The following MOK variants were observed in gnomAD, a reference collection of about 807,000 sequenced individuals.
MOK encodes MOK protein kinase.
Under a neutral mutation model 54.2 loss-of-function variants are expected in MOK, and 59 were observed. That is an observed-to-expected ratio of 1.09 (90% CI 0.88 to 1.35). The LOEUF is 1.35. MOK is among the 40% of genes most tolerant of loss of function. The pLI is 0.00. For synonymous variants in MOK, 210 were observed against 202.7 expected, an observed-to-expected ratio of 1.04 and a Z score of -0.31; for missense variants, 517 against 526.2, an observed-to-expected ratio of 0.98 and a Z score of 0.17.
At chr14:102,265,707 T>C (rs1028279327) in intron 3 of MOK, 116 bp downstream of exon 3, 2 of 731,228 alleles carry the variant, frequency 2.7e-6, no homozygotes, top group Non-Finnish European at 4.5e-6. Context: ...GAAGTAAAAA[T>C]GGTTACTCTC....
downstream of MOK, chr14:102,226,235 C>T (rs753370935): frequency 1.4e-4 from 90 of 652,054 alleles, no homozygotes; most frequent in Admixed American, 9.2e-4. The surrounding 1 kb of genome is among the most constrained non-coding windows in gnomAD (Gnocchi z 4.8). Flanking sequence ...TGCTTCTGCC[C>T]GGTGTCTTCT....
intron 2 of MOK, among the ~76,000 whole-genome samples, chr14:102,279,301 T>C (rs2069178424): frequency 6.6e-6 from 1 of 151,988 alleles, no homozygotes; most frequent in African/African-American, 2.4e-5. Flanking sequence ...GTTGTTGTTG[T>C]TGTTGTTGTT....
downstream of MOK, among the ~76,000 whole-genome samples, chr14:102,224,018 A>G (rs975882701): frequency 1.3e-5 from 2 of 151,508 alleles, no homozygotes; most frequent in African/African-American, 4.9e-5. Flanking sequence ...GAACTAGCTA[A>G]TCACACTGTT....
chr14:102,304,798 G>GTC (rs1212000598), intron 1 of MOK, among the ~76,000 whole-genome samples, 164 bp downstream of exon 1: 2 of 152,056 alleles, frequency 1.3e-5, no homozygotes, highest in Non-Finnish European at 2.9e-5. Context: ...CACAGCCGAG[G>GTC]GGGATTCGGG....
intron 7 of MOK, among the ~76,000 whole-genome samples, chr14:102,241,450 A>C (rs2065709399): frequency 6.6e-6 from 1 of 152,234 alleles, no homozygotes; most frequent in Non-Finnish European, 1.5e-5. Context: ...CTGGAGCCGA[A>C]GGCTTAGCCA....
the MOK span, among the ~76,000 whole-genome samples, chr14:102,215,548 C>T: frequency 3.3e-5 from 5 of 152,190 alleles, no homozygotes; most frequent in East Asian, 7.7e-4. Context: ...TGGTTTGTTG[C>T]GCCCATCAAC....
rs1028808373 is a variant in MOK, at chr14:102,231,497, T to C, written c.981+210A>G. 1 of 522,390 alleles carries C rather than the reference T, an allele frequency of 1.9e-6. No individual in the cohort carries two copies. Among genetic ancestry groups the C allele is most frequent in the Admixed American group, 3.3e-5 (1 of 30,666 alleles). The allele number at this position is 522,390 out of a possible 1,614,324, so 32.4% of individuals were successfully genotyped here. ...ATATTCGTCATCAATTCTTAGCTAC[T>C]GGGGCAGAAAGGGCTTGAGCAAATA... On this transcript the variant is annotated intron_variant, in intron 10 of 11. Coordinates refer to ENST00000361847, the MANE Select transcript of MOK (RefSeq NM_014226.3). The surrounding 1 kb of genome is among the most constrained non-coding windows in gnomAD (Gnocchi z 4.4).
In MOK at chr14:102,233,869, C is replaced by T. The variant is rs538965984; in HGVS notation, c.591-80G>A. The T allele has an allele frequency of 3.1e-5, 32 of 1,022,746 alleles. No individual in the cohort carries two copies. In the East Asian group the frequency reaches 7.2e-4, roughly 23 times the overall value. The allele number at this position is 1,022,746 out of a possible 1,614,324, so 63.4% of individuals were successfully genotyped here. ...CACCAATTACAAACCATCTGGACCGCACAAGGGGAGATCGTGGGAAGCATA... is the reference window on the plus strand; with the variant it reads ...CACCAATTACAAACCATCTGGACCGTACAAGGGGAGATCGTGGGAAGCATA... On this transcript the variant is annotated intron_variant, in intron 7 of 11. Transcript: ENST00000361847.
In MOK at chr14:102,232,663, T is replaced by G; in HGVS notation, c.738A>C (p.Gly246=). 4 of 1,613,910 alleles carry G rather than the reference T, an allele frequency of 2.5e-6. No homozygotes were observed. The highest frequency in any genetic ancestry group is 3.4e-6 in the Non-Finnish European group (4 of 1,179,894). ...NFDFPFKKGS[G]IPLLTTNLSP... ...ACAAATTGGTTGTTAGTAGAGGTAT[T>G]CCTGATCCCTTTTTAAAAGGAAAAT... The change falls in exon 9 of 12, where the codon GGA becomes GGC. Residue 246 remains glycine, a synonymous_variant. Transcript: ENST00000361847. The surrounding 1 kb of genome is among the most constrained non-coding windows in gnomAD (Gnocchi z 5.1).
At position 102,232,356 on chromosome 14, in the gene MOK, A is replaced by G; in HGVS notation, c.866+179T>C. ...TGCTAACATCCTCATTTTGGGGAGG[A>G]TACACCAGAAGGCAGCACGGTGTGG... On this transcript the variant is annotated intron_variant, in intron 9 of 11. Coordinates refer to ENST00000361847, the MANE Select transcript of MOK (RefSeq NM_014226.3). The surrounding 1 kb of genome is among the most constrained non-coding windows in gnomAD (Gnocchi z 5.1). 1.7e-6 allele frequency: 1 copy of G among 593,262 alleles called. No homozygotes were observed. The highest frequency in any genetic ancestry group is 2.7e-6 in the Non-Finnish European group (1 of 364,392). 36.7% of individuals were successfully genotyped at this position (593,262 alleles called of 1,614,324 possible). A position where few individuals can be genotyped will look rare whatever the true frequency, so the allele number is the denominator to read the frequency against.
At chr14:102,291,149 G>C (rs1316520290) in intron 1 of MOK, among the ~76,000 whole-genome samples, 5 of 152,154 alleles carry the variant, frequency 3.3e-5, no homozygotes, top group Non-Finnish European at 7.3e-5. Flanking sequence ...ACAGAGCACG[G>C]TACCATATCC....
At chr14:102,270,120 G>A (rs1439540301) in intron 2 of MOK, among the ~76,000 whole-genome samples, 1 of 152,160 alleles carries the variant, frequency 6.6e-6, no homozygotes, top group Non-Finnish European at 1.5e-5. Flanking sequence ...AGTACAGTAA[G>A]TTATCTAGAA....
chr14:102,283,591 G>C lies in MOK; in HGVS notation c.9C>G (p.Asn3Lys). 1 of 1,585,228 alleles carries C rather than the reference G, an allele frequency of 6.3e-7. No homozygotes were observed. The highest frequency in any genetic ancestry group is 8.6e-7 in the Non-Finnish European group (1 of 1,158,818). ...CTCCTATTTTGCCAATTGCTTTATA[G>C]TCTATAAATAAAAATGATTACAAAA... MK[N>K]YKAIGKIGEG... is the part of the protein sequence containing the mutation. Residue 3 changes from asparagine to lysine, a missense_variant and splice_region_variant, in exon 2 of 12, where the codon AAC becomes AAG. Coordinates refer to ENST00000361847, the MANE Select transcript of MOK (RefSeq NM_014226.3).
At chr14:102,280,675 C>G (rs1250428561) in intron 2 of MOK, 3 of 152,196 alleles carry the variant, frequency 2.0e-5, no homozygotes, top group Admixed American at 2.0e-4. Context: ...CATTCCTTTG[C>G]TTAGTCGTCA....
intron 1 of MOK, among the ~76,000 whole-genome samples, chr14:102,299,803 C>CA (rs2071952252): frequency 6.6e-6 from 1 of 152,164 alleles, no homozygotes; most frequent in Non-Finnish European, 1.5e-5. Context: ...AGGCTGGTCT[C>CA]AGACTCCTGG....
intron 2 of MOK, among the ~76,000 whole-genome samples, chr14:102,272,137 C>T (rs545243776): frequency 1.2e-4 from 18 of 152,290 alleles, no homozygotes; most frequent in Admixed American, 1.2e-3. Flanking sequence ...TCCCAATGTG[C>T]TGGGATTAAA....
chr14:102,271,605 C>G (rs890745427), intron 2 of MOK, among the ~76,000 whole-genome samples: 2 of 152,164 alleles, frequency 1.3e-5, no homozygotes, highest in African/African-American at 4.8e-5. Context: ...GTTGCCCAGG[C>G]TGGAGTGCAC....
chr14:102,242,439 C>A (rs1053444909), intron 7 of MOK, among the ~76,000 whole-genome samples: 26 of 152,082 alleles, frequency 1.7e-4, no homozygotes, highest in African/African-American at 5.3e-4. Context: ...CACCTCATTG[C>A]TGCCCTTTTC....
chr14:102,271,615 C>T (rs565200610), intron 2 of MOK, among the ~76,000 whole-genome samples: 3 of 150,014 alleles, frequency 2.0e-5, no homozygotes, highest in East Asian at 2.0e-4. Flanking sequence ...CTGGAGTGCA[C>T]GAGCGCAACC....
Sources: allele counts gnomAD v4.1 joint callset (sites outside exome capture counted in the v4.1 genomes callset), GRCh38; gene constraint gnomAD v4.1.1; non-coding constraint Gnocchi (gnomAD v3.1); transcripts MANE v1.5; gene names NCBI Gene and HGNC (gene_info 2026-07-23, HGNC 2026-07-21).